Variants in SARS2 observed in about 807,000 individuals in gnomAD.
SARS2 encodes the protein serine--tRNA ligase, mitochondrial.
Under a neutral mutation model 66.8 loss-of-function variants are expected in SARS2, and 52 were observed. That is an observed-to-expected ratio of 0.78 (90% CI 0.62 to 0.98). SARS2 has a LOEUF of 0.98. Ranked by LOEUF, SARS2 falls within the 50% of genes least tolerant of loss-of-function variation. The pLI is 0.00. For synonymous variants in SARS2, 306 were observed against 281.4 expected (o/e 1.09, Z -0.87); for missense variants, 673 against 706.3 (o/e 0.95, Z 0.53).
chr19:38,919,863 G>C lies in SARS2; in HGVS notation c.658C>G (p.Leu220Val), dbSNP rs1182356554. ...EKLDIIRQKR[L>V]SHVSGHRSYY... Reference sequence around the variant, plus strand: ...GACCGGTGGCCAGACACGTGGGACAGGCGCCTGGGAGACAGACAGACAGGC... The same window carrying C: ...GACCGGTGGCCAGACACGTGGGACACGCGCCTGGGAGACAGACAGACAGGC... Residue 220 changes from leucine to valine, a missense_variant, in exon 7 of 16, where the codon CTG (leucine) becomes GTG (valine). Transcript: ENST00000221431. The C allele has an allele frequency of 2.5e-6, 4 of 1,613,776 alleles. No homozygotes were observed. The highest frequency in any genetic ancestry group is 1.7e-6 in the Non-Finnish European group (2 of 1,179,840).
At position 38,916,307 on chromosome 19, in the gene SARS2, C is replaced by T. The variant is rs1005172144; in HGVS notation, c.1168G>A (p.Asp390Asn). ...AGGCCCAGTTCTTGGGTGGGCATAT[C>T]CAGGACCCTGCGGTCAAGGACGAAG... Reference protein sequence around the residue: ...TELGLHFRVLDMPTQELGLPA... With the variant: ...TELGLHFRVLNMPTQELGLPA... Residue 390 changes from aspartate (D) to asparagine (N), a missense_variant, in exon 13 of 16, where the codon GAT (aspartate) becomes AAT (asparagine). Transcript: ENST00000221431. 1.0e-4 allele frequency: 169 copies of T among 1,613,966 alleles called. No individual in the cohort carries two copies. Among genetic ancestry groups the T allele is most frequent in the Non-Finnish European group, 1.4e-4 (168 of 1,179,906 alleles).
At chr19:38,930,373 C>G in intron 1 of SARS2, 97 bp downstream of exon 1, 1 of 1,447,436 alleles carries the variant, frequency 6.9e-7, no homozygotes, top group Non-Finnish European at 9.2e-7. Context: ...ACTAAAATTC[C>G]TACTACAGGT....
At chr19:38,930,043 G>T (rs184741104) in intron 1 of SARS2, 1 of 179,974 alleles carries the variant, frequency 5.6e-6, no homozygotes, top group African/African-American at 2.4e-5. Context: ...TGGCGGAGGT[G>T]CACAACTCTC....
chr19:38,919,286 C>A (rs1974475673), intron 7 of SARS2, among the ~76,000 whole-genome samples: 1 of 152,104 alleles, frequency 6.6e-6, no homozygotes, highest in Non-Finnish European at 1.5e-5. Flanking sequence ...GACTCCGTCT[C>A]AAAAAACAAA....
intron 2 of SARS2, among the ~76,000 whole-genome samples, chr19:38,922,903 T>C (rs1348017298): frequency 2.1e-5 from 3 of 143,926 alleles, no homozygotes; most frequent in Non-Finnish European, 3.0e-5. Flanking sequence ...CAGTCTCAGG[T>C]ATTCTTTTTT....
chr19:38,927,997 C>T (rs927275253), intron 1 of SARS2, among the ~76,000 whole-genome samples: 1 of 152,216 alleles, frequency 6.6e-6, no homozygotes, highest in African/African-American at 2.4e-5. Flanking sequence ...TGCACCACTG[C>T]ACTCTAGCCT....
chr19:38,930,424 C>G (rs773909917), intron 1 of SARS2, 46 bp downstream of exon 1: 5 of 1,553,216 alleles, frequency 3.2e-6, no homozygotes, highest in East Asian at 4.5e-5. Context: ...CCAATTCTTC[C>G]GTAAAGCAAA....
chr19:38,923,384 G>T (rs1974574859), intron 2 of SARS2, among the ~76,000 whole-genome samples: 1 of 147,298 alleles, frequency 6.8e-6, no homozygotes, highest in Non-Finnish European at 1.5e-5. Context: ...ACTACGCCCG[G>T]CTAATTTTTT....
chr19:38,920,535 G>C (rs1399546445), intron 5 of SARS2, among the ~76,000 whole-genome samples: 1 of 151,712 alleles, frequency 6.6e-6, no homozygotes, highest in African/African-American at 2.4e-5. Flanking sequence ...CCAAAGCAGG[G>C]GGGTCAGAGA....
At chr19:38,927,713 C>T (rs148178038) in intron 1 of SARS2, among the ~76,000 whole-genome samples, 87 of 152,288 alleles carry the variant, frequency 5.7e-4, no homozygotes, top group African/African-American at 2.0e-3. Flanking sequence ...CTTGCCAACA[C>T]TTGTCCTTTT....
In SARS2 at chr19:38,928,707, G is replaced by A. The variant is rs182335041; in HGVS notation, c.267+1763C>T. Among the ~76,000 whole-genome samples the A allele has an allele frequency of 4.8e-3, 729 of 152,196 alleles. 5 individuals carry two copies. Among genetic ancestry groups the A allele is most frequent in the African/African-American group, 0.016 (677 of 41,508 alleles). On this transcript the variant is annotated intron_variant, in intron 1 of 15. Coordinates refer to ENST00000221431, the MANE Select transcript of SARS2 (RefSeq NM_017827.4). ...TTGTATATTCTGGTCCCCTACTTGG[G>A]ATACTCTTCTTCCCTCTTCCCTGGT...
intron 1 of SARS2, among the ~76,000 whole-genome samples, chr19:38,929,128 A>C (rs1974681355): frequency 6.6e-6 from 1 of 151,846 alleles, no homozygotes; most frequent in Non-Finnish European, 1.5e-5. Context: ...GAGGTGGGAG[A>C]ATCACTTCAA....
intron 4 of SARS2, 28 bp from the exon 5 acceptor site, chr19:38,921,474 A>G (rs371578905): frequency 5.8e-5 from 94 of 1,614,006 alleles, no homozygotes; most frequent in Non-Finnish European, 7.9e-5. Flanking sequence ...GAGTCACGGA[A>G]AGGTGGCACT....
At chr19:38,929,764 C>T (rs991789684) in intron 1 of SARS2, among the ~76,000 whole-genome samples, 8 of 152,214 alleles carry the variant, frequency 5.3e-5, no homozygotes, top group Non-Finnish European at 1.0e-4. Context: ...GTGAATAAAG[C>T]ACTTCAAACA....
chr19:38,917,050 C>A (rs1482578444), intron 12 of SARS2, among the ~76,000 whole-genome samples: 1 of 151,652 alleles, frequency 6.6e-6, no homozygotes, highest in Non-Finnish European at 1.5e-5. Flanking sequence ...GTAGCCTCCA[C>A]CTCCTGGGTT....
rs752001913 is a variant in SARS2 at position 38,915,833 on chromosome 19, C to T, written c.1413+8G>A. 2.4e-5 allele frequency: 39 copies of T among 1,613,492 alleles called. No individual in the cohort carries two copies. In the South Asian group the frequency reaches 3.4e-4, roughly 14 times the overall value. On this transcript the variant is annotated splice_region_variant and intron_variant, in intron 15 of 15. Transcript: ENST00000221431. ...CTGCCTCTCTGGGTGGGCCCCTCAG[C>T]CCCTCACCTTCTGCTGGTTACTCTC...
At position 38,919,838 on chromosome 19, in the gene SARS2, G is replaced by A. The variant is rs1974485705; in HGVS notation, c.683C>T (p.Ser228Phe). The A allele has an allele frequency of 1.2e-6, 2 of 1,614,044 alleles. No individual in the cohort carries two copies. The highest frequency in any genetic ancestry group is 2.7e-5 in the African/African-American group (2 of 74,928). Residue 228 changes from serine (S) to phenylalanine (F), a missense_variant, in exon 7 of 16, where the codon TCC becomes TTC. Physicochemically the swap from Ser to Phe is radical, Grantham distance 155 (BLOSUM62 -2). Transcript: ENST00000221431. ...KRLSHVSGHRSYYLRGAGALL... is the reference protein window; with the variant it reads ...KRLSHVSGHRFYYLRGAGALL... ...GGCTCCAGCCCCGCGCAGGTAATAG[G>A]ACCGGTGGCCAGACACGTGGGACAG... is the stretch of plus-strand genomic sequence containing the variant.
In SARS2 at chr19:38,922,224, A is replaced by C. The variant is rs1448061834; in HGVS notation, c.393+14T>G. On this transcript the variant is annotated intron_variant, in intron 3 of 15. Coordinates refer to ENST00000221431, the MANE Select transcript of SARS2 (RefSeq NM_017827.4). ...ACCCCCAACCCTGGATAGGACATCAACTCTTCACAGTACCTGCTGCACTTC... is the reference window on the plus strand; with the variant it reads ...ACCCCCAACCCTGGATAGGACATCACCTCTTCACAGTACCTGCTGCACTTC... 3.1e-6 allele frequency: 5 copies of C among 1,613,544 alleles called. No homozygotes were observed. The highest frequency in any genetic ancestry group is 1.3e-5 in the African/African-American group (1 of 74,752).
At chr19:38,927,427 G>C (rs1451774930) in intron 1 of SARS2, among the ~76,000 whole-genome samples, 1 of 151,732 alleles carries the variant, frequency 6.6e-6, no homozygotes, top group Non-Finnish European at 1.5e-5. Flanking sequence ...GGGCATGGTG[G>C]CACATGCTTG....
Sources: gnomAD v4.1 joint callset for allele counts (sites outside exome capture counted in the v4.1 genomes callset) on GRCh38, gnomAD v4.1.1 for gene constraint, MANE v1.5 for transcripts, NCBI Gene and HGNC (gene_info 2026-07-23, HGNC 2026-07-21) for gene names.